Variants in KCNH5 observed in about 807,000 individuals in gnomAD.
KCNH5 encodes potassium voltage-gated channel subfamily H member 5.
In KCNH5, 46 loss-of-function variants were observed where a neutral mutation model predicts 96.1. The observed-to-expected ratio is 0.48, with a 90% CI of 0.38 to 0.61. The LOEUF (loss-of-function observed/expected upper bound fraction) is 0.61, where lower values mean the gene tolerates loss of function less well. KCNH5 is among the 20% of genes least tolerant of loss of function. The pLI is 0.00. For missense variants in KCNH5, 907 were observed against 1,225.8 expected (o/e 0.74, Z 3.88); for synonymous variants, 439 against 449.8 (o/e 0.98, Z 0.30).
At chr14:62,777,298 TG>T (rs1566657178) in intron 10 of KCNH5, among the ~76,000 whole-genome samples, 1 of 152,190 alleles carries the variant, frequency 6.6e-6, no homozygotes, top group Non-Finnish European at 1.5e-5. Flanking sequence ...TGAATTCAAA[TG>T]CAGGCCCTGA....
At chr14:62,892,752 T>C (rs1888736050) in intron 7 of KCNH5, among the ~76,000 whole-genome samples, 1 of 152,058 alleles carries the variant, frequency 6.6e-6, no homozygotes, top group Non-Finnish European at 1.5e-5. Flanking sequence ...CGAAATCTAC[T>C]CTACCTGTGC....
chr14:62,723,375 GACTT>G (rs1438065230), intron 10 of KCNH5, among the ~76,000 whole-genome samples: 1 of 152,128 alleles, frequency 6.6e-6, no homozygotes, highest in Non-Finnish European at 1.5e-5. Flanking sequence ...CTTCTGGAAA[GACTT>G]AGAAATGTAT....
intron 7 of KCNH5, among the ~76,000 whole-genome samples, chr14:62,945,874 G>A (rs749565485): frequency 6.6e-6 from 1 of 151,304 alleles, no homozygotes; most frequent in African/African-American, 2.5e-5. Flanking sequence ...GATAAGCCAA[G>A]GAAGAATGGT....
intron 3 of KCNH5, 119 bp downstream of exon 3, chr14:63,006,246 CT>C (rs1335318355): frequency 8.2e-6 from 4 of 485,280 alleles, no homozygotes; most frequent in Non-Finnish European, 1.4e-5. Context: ...ACCTCTGCCC[CT>C]GCCAAGAAAA....
At chr14:62,761,356 CAA>C (rs5809168) in intron 10 of KCNH5, among the ~76,000 whole-genome samples, 4,171 of 127,310 alleles carry the variant, frequency 0.033, 136 homozygotes, top group East Asian at 0.1. Context: ...CTCACTCTCT[CAA>C]AAAAAAAAAA....
chr14:63,032,313 A>G (rs1891644272), intron 1 of KCNH5, among the ~76,000 whole-genome samples: 2 of 152,098 alleles, frequency 1.3e-5, no homozygotes, highest in Admixed American at 1.3e-4. Context: ...AGGCAAGACT[A>G]CAAACCCAGA....
chr14:62,776,328 T>C (rs1446126756), intron 10 of KCNH5, among the ~76,000 whole-genome samples: 1 of 151,828 alleles, frequency 6.6e-6, no homozygotes, highest in African/African-American at 2.4e-5. Flanking sequence ...ACCAATGAGC[T>C]AGCTGGCTTC....
chr14:62,759,385 C>T (rs1236304129), intron 10 of KCNH5, among the ~76,000 whole-genome samples: 1 of 151,924 alleles, frequency 6.6e-6, no homozygotes, highest in Non-Finnish European at 1.5e-5. Flanking sequence ...ATTTGAAATC[C>T]TGTGGCATCA....
chr14:63,036,364 C>A (rs1340769099), intron 1 of KCNH5, among the ~76,000 whole-genome samples: 1 of 151,892 alleles, frequency 6.6e-6, no homozygotes, highest in South Asian at 2.1e-4. Flanking sequence ...ACAGGAGACA[C>A]AAAAGAAAGC....
At chr14:62,965,959 G>T (rs1350140998) in intron 6 of KCNH5, among the ~76,000 whole-genome samples, 5 of 152,090 alleles carry the variant, frequency 3.3e-5, no homozygotes, top group African/African-American at 1.2e-4. Flanking sequence ...CTAAAAATCT[G>T]TAATCTATGG....
At chr14:62,923,264 T>C (rs1244832386) in intron 7 of KCNH5, among the ~76,000 whole-genome samples, 1 of 151,756 alleles carries the variant, frequency 6.6e-6, no homozygotes, top group African/African-American at 2.4e-5. Flanking sequence ...AATTTAACTA[T>C]GGAAGTGAAA....
At chr14:62,994,785 G>A (rs926222680) in intron 4 of KCNH5, among the ~76,000 whole-genome samples, 5 of 151,964 alleles carry the variant, frequency 3.3e-5, no homozygotes, top group African/African-American at 9.7e-5. Flanking sequence ...GACGTTGAGC[G>A]TCAGAATCTT....
intron 8 of KCNH5, among the ~76,000 whole-genome samples, chr14:62,817,104 A>T (rs1886996106): frequency 7.2e-6 from 1 of 138,850 alleles, no homozygotes; most frequent in Non-Finnish European, 1.5e-5. Context: ...ATATATAATT[A>T]TATATGACAT....
chr14:62,887,303 T>C (rs148847772), intron 7 of KCNH5, among the ~76,000 whole-genome samples: 2 of 152,282 alleles, frequency 1.3e-5, no homozygotes, highest in African/African-American at 4.8e-5. Flanking sequence ...AGAATTGCAT[T>C]AGTTAGATAT....
In KCNH5 at chr14:62,792,319, G is replaced by T. The variant is rs73273172; in HGVS notation, c.1822+10010C>A. Among the ~76,000 whole-genome samples the T allele has an allele frequency of 9.6e-4, 146 of 151,434 alleles. 2 individuals carry two copies. Among genetic ancestry groups the T allele is most frequent in the African/African-American group, 3.3e-3 (138 of 41,428 alleles). On this transcript the variant is annotated intron_variant, in intron 9 of 10. Transcript: ENST00000322893. ...ATTAAAAAAATAAGTGATTTAGCTCGTAGATTTTTTTTACACACATAAAGA... is the reference window on the plus strand; with the variant it reads ...ATTAAAAAAATAAGTGATTTAGCTCTTAGATTTTTTTTACACACATAAAGA...
intron 10 of KCNH5, among the ~76,000 whole-genome samples, chr14:62,761,312 G>A (rs1054484583): frequency 1.3e-5 from 2 of 149,644 alleles, no homozygotes; most frequent in East Asian, 2.0e-4. Flanking sequence ...CCAAGATCAC[G>A]CCACTGCACT....
chr14:62,869,468 C>A (rs2140064660), intron 7 of KCNH5, among the ~76,000 whole-genome samples: 1 of 151,922 alleles, frequency 6.6e-6, no homozygotes, highest in South Asian at 2.1e-4. Flanking sequence ...AAAATTTTCT[C>A]CCATTCAGTA....
intron 6 of KCNH5, among the ~76,000 whole-genome samples, chr14:62,977,909 CAGGT>C (rs1890531840): frequency 6.6e-6 from 1 of 152,146 alleles, no homozygotes; most frequent in Non-Finnish European, 1.5e-5. Flanking sequence ...AAGGAAGACT[CAGGT>C]AGGAAGAAAA....
rs111458965 is a variant in KCNH5 at position 62,911,306 on chromosome 14, T to A, written c.1369+38827A>T. On this transcript the variant is annotated intron_variant, in intron 7 of 10. Transcript: ENST00000322893. Reference sequence around the variant, plus strand: ...TCTTTTTTTTTTTTTTGAGACGGAGTCTTGCTCTTTTACCCAAGCTGGAGT... The same window carrying A: ...TCTTTTTTTTTTTTTTGAGACGGAGACTTGCTCTTTTACCCAAGCTGGAGT... 5.2e-3 allele frequency among the ~76,000 whole-genome samples: 763 copies of A among 147,382 alleles called. 9 individuals carry two copies. The highest frequency in any genetic ancestry group is 0.018 in the African/African-American group (725 of 39,904).
Sources: gnomAD v4.1 joint callset for allele counts (sites outside exome capture counted in the v4.1 genomes callset) on GRCh38, gnomAD v4.1.1 for gene constraint, MANE v1.5 for transcripts, NCBI Gene and HGNC (gene_info 2026-07-23, HGNC 2026-07-21) for gene names.